CNTNAP2: variants seen among roughly 807,000 people sequenced by gnomAD.
CNTNAP2 encodes contactin-associated protein-like 2.
A neutral mutation model predicts 155.2 loss-of-function variants in CNTNAP2; 98 were observed. The observed-to-expected ratio is 0.63, with a 90% CI of 0.54 to 0.75. CNTNAP2 has a LOEUF of 0.75. CNTNAP2 is among the 30% of genes least tolerant of loss of function. The pLI is 0.00. For synonymous variants in CNTNAP2, 651 were observed against 631.2 expected (o/e 1.03, Z -0.47); for missense variants, 1,727 against 1,688.1 (o/e 1.02, Z -0.40).
At chr7:147,497,939 A>G (rs1168506172) in intron 11 of CNTNAP2, among the ~76,000 whole-genome samples, 1 of 152,186 alleles carries the variant, frequency 6.6e-6, no homozygotes, top group Non-Finnish European at 1.5e-5. Context: ...TCTGTGTAAG[A>G]GCAAAATAAC....
intron 1 of CNTNAP2, among the ~76,000 whole-genome samples, chr7:146,204,634 G>A (rs896252402): frequency 2.4e-4 from 37 of 152,108 alleles, no homozygotes; most frequent in Admixed American, 2.6e-4. Flanking sequence ...TAATGTGGTC[G>A]TGGATCATAT....
At chr7:146,209,406 G>T (rs2116880800) in intron 1 of CNTNAP2, among the ~76,000 whole-genome samples, 1 of 152,190 alleles carries the variant, frequency 6.6e-6, no homozygotes, top group Admixed American at 6.5e-5. Context: ...CTATCATTTT[G>T]AACTCAACTA....
intron 3 of CNTNAP2, among the ~76,000 whole-genome samples, chr7:146,949,735 A>G (rs1797269190): frequency 6.6e-6 from 1 of 152,112 alleles, no homozygotes; most frequent in Admixed American, 6.6e-5. Flanking sequence ...GAATAGGCCA[A>G]TGTTCTCATG....
intron 1 of CNTNAP2, among the ~76,000 whole-genome samples, chr7:146,298,134 G>T (rs974992292): frequency 8.5e-5 from 13 of 152,134 alleles, no homozygotes; most frequent in Non-Finnish European, 1.5e-4. Flanking sequence ...AAAGAATAAG[G>T]CAAGGGAGGA....
intron 1 of CNTNAP2, among the ~76,000 whole-genome samples, chr7:146,402,824 G>T (rs1795732715): frequency 6.6e-6 from 1 of 152,082 alleles, no homozygotes. Flanking sequence ...AGTTTTTATA[G>T]ATATGAATCT....
rs1257659832 is a variant in CNTNAP2, at chr7:148,128,682, G to A, written c.2554+10394G>A. ...ATGAAGATGGATTTTAGAATAGAATGTCTTCTGGATATAAAAATATTTCAA... is the reference window on the plus strand; with the variant it reads ...ATGAAGATGGATTTTAGAATAGAATATCTTCTGGATATAAAAATATTTCAA... On this transcript the variant is annotated intron_variant, in intron 16 of 23. Coordinates refer to ENST00000361727, the MANE Select transcript of CNTNAP2 (RefSeq NM_014141.6). 2.0e-5 allele frequency among the ~76,000 whole-genome samples: 3 copies of A among 152,316 alleles called. No individual in the cohort carries two copies. The East Asian group carries it at 5.8e-4, about 29-fold the overall frequency.
chr7:146,774,457 A>G, intron 2 of CNTNAP2, 76 bp downstream of exon 2: 1 of 997,966 alleles, frequency 1.0e-6, no homozygotes, highest in Non-Finnish European at 1.5e-6. Context: ...ATATATATAT[A>G]TAATCACACA....
intron 16 of CNTNAP2, among the ~76,000 whole-genome samples, chr7:148,127,618 A>G (rs945108176): frequency 6.6e-6 from 1 of 152,260 alleles, no homozygotes; most frequent in African/African-American, 2.4e-5. Context: ...CAAGAAAGTC[A>G]GAAGAAAATA....
chr7:147,970,074 T>C (rs1189251610), intron 14 of CNTNAP2, among the ~76,000 whole-genome samples: 1 of 151,698 alleles, frequency 6.6e-6, no homozygotes, highest in Non-Finnish European at 1.5e-5. Flanking sequence ...GGAGTATTGA[T>C]GTACACCACC....
At chr7:146,194,671 C>G (rs1178105488) in intron 1 of CNTNAP2, among the ~76,000 whole-genome samples, 1 of 152,110 alleles carries the variant, frequency 6.6e-6, no homozygotes, top group Non-Finnish European at 1.5e-5. Flanking sequence ...TGCTTTTTAT[C>G]CATACACTAA....
chr7:146,759,257 T>G (rs544802419), intron 1 of CNTNAP2, among the ~76,000 whole-genome samples: 1 of 152,182 alleles, frequency 6.6e-6, no homozygotes, highest in Non-Finnish European at 1.5e-5. Context: ...ATTTCTTTAC[T>G]GGTGAAATAC....
chr7:147,428,475 A>C (rs1338765907), intron 10 of CNTNAP2, among the ~76,000 whole-genome samples: 1 of 152,186 alleles, frequency 6.6e-6, no homozygotes, highest in Non-Finnish European at 1.5e-5. Context: ...TTAGCGTTAC[A>C]TAAATTGCAT....
intron 1 of CNTNAP2, among the ~76,000 whole-genome samples, chr7:146,208,306 G>A (rs1394681784): frequency 6.6e-6 from 1 of 151,536 alleles, no homozygotes; most frequent in Non-Finnish European, 1.5e-5. Flanking sequence ...TACTCAATAT[G>A]TAAGTTTTCA....
intron 1 of CNTNAP2, among the ~76,000 whole-genome samples, chr7:146,301,525 G>A (rs4615478): frequency 6.6e-6 from 1 of 151,674 alleles, no homozygotes; most frequent in African/African-American, 2.4e-5. Context: ...GCTAGGGAGG[G>A]TGAGGCAGGA....
chr7:146,340,097 A>G (rs537774369), intron 1 of CNTNAP2, among the ~76,000 whole-genome samples: 11 of 137,840 alleles, frequency 8.0e-5, no homozygotes, highest in African/African-American at 2.8e-4. Context: ...TGAACCCGGG[A>G]GGCTGAGCTT....
At chr7:146,867,421 T>C (rs915939385) in intron 3 of CNTNAP2, among the ~76,000 whole-genome samples, 5 of 152,164 alleles carry the variant, frequency 3.3e-5, no homozygotes, top group African/African-American at 1.2e-4. Context: ...CAATTTGTCA[T>C]TGATGGGAAT....
intron 1 of CNTNAP2, among the ~76,000 whole-genome samples, chr7:146,418,803 G>A (rs576884680): frequency 6.6e-6 from 1 of 152,118 alleles, no homozygotes; most frequent in East Asian, 1.9e-4. Flanking sequence ...TTGAGATGAG[G>A]TCATTAGGGT....
chr7:148,217,176 A>G, intron 18 of CNTNAP2, 112 bp from the exon 19 acceptor site: 2 of 962,292 alleles, frequency 2.1e-6, no homozygotes, highest in East Asian at 4.8e-5. Context: ...ACTTACTCAG[A>G]TGCCCTTCCT....
intron 13 of CNTNAP2, among the ~76,000 whole-genome samples, chr7:147,837,312 A>C (rs1367770751): frequency 2.6e-5 from 4 of 152,262 alleles, no homozygotes; most frequent in African/African-American, 9.6e-5. Flanking sequence ...ATCAAGATTC[A>C]TGAGACTTAT....
Sources: gnomAD v4.1 joint callset for allele counts (sites outside exome capture counted in the v4.1 genomes callset) on GRCh38, gnomAD v4.1.1 for gene constraint, MANE v1.5 for transcripts, NCBI Gene and HGNC (gene_info 2026-07-23, HGNC 2026-07-21) for gene names.